Variants in MYO1E observed in about 807,000 individuals in gnomAD.
The protein encoded by MYO1E is myosin IE.
In MYO1E, 68 loss-of-function variants were observed where a neutral mutation model predicts 151.1. That is an observed-to-expected ratio of 0.45 (90% confidence interval 0.37 to 0.55). The LOEUF is 0.55. Ranked by LOEUF, MYO1E falls within the 20% of genes least tolerant of loss-of-function variation. The pLI is 0.00. For synonymous variants in MYO1E, 601 were observed against 501.7 expected, an observed-to-expected ratio of 1.20 and a Z score of -2.64; for missense variants, 1,363 against 1,389.3, an observed-to-expected ratio of 0.98 and a Z score of 0.30.
chr15:59,306,857 C>T (rs1342219929), intron 1 of MYO1E, among the ~76,000 whole-genome samples: 1 of 152,216 alleles, frequency 6.6e-6, no homozygotes, highest in Non-Finnish European at 1.5e-5. Flanking sequence ...TGATGTCATT[C>T]ATCTCAAAAA....
intron 7 of MYO1E, among the ~76,000 whole-genome samples, chr15:59,227,234 T>C (rs148286090): frequency 1.6e-4 from 24 of 152,374 alleles, no homozygotes; most frequent in African/African-American, 5.5e-4. Context: ...ACATCAATAC[T>C]TTCTTGATGA....
At chr15:59,368,376 C>T (rs571466390) in intron 1 of MYO1E, among the ~76,000 whole-genome samples, 10 of 151,910 alleles carry the variant, frequency 6.6e-5, no homozygotes, top group African/African-American at 2.4e-4. Context: ...TTTGGGAGGC[C>T]GAGGCAGGAG....
At chr15:59,173,983 G>T in intron 20 of MYO1E, 68 bp from the exon 21 acceptor site, 1 of 1,556,484 alleles carries the variant, frequency 6.4e-7, no homozygotes, top group Non-Finnish European at 8.9e-7. Context: ...AAAATACTGT[G>T]GAAATATACA....
At chr15:59,322,706 T>A (rs1387125105) in intron 1 of MYO1E, among the ~76,000 whole-genome samples, 1 of 152,202 alleles carries the variant, frequency 6.6e-6, no homozygotes, top group Admixed American at 6.5e-5. Flanking sequence ...ACAGATTGTA[T>A]TGATTCTAAA....
intron 1 of MYO1E, among the ~76,000 whole-genome samples, chr15:59,315,150 G>A (rs1400063358): frequency 2.0e-5 from 3 of 152,098 alleles, no homozygotes; most frequent in Non-Finnish European, 4.4e-5. Flanking sequence ...AAGCTATCTG[G>A]CTTCTCCCCT....
chr15:59,322,010 CA>C (rs754593990), intron 1 of MYO1E, among the ~76,000 whole-genome samples: 2 of 151,896 alleles, frequency 1.3e-5, no homozygotes, highest in Non-Finnish European at 2.9e-5. Flanking sequence ...CCCAACTTTA[CA>C]AAAGTACGAA....
At chr15:59,243,441 G>T (rs373951024) in intron 4 of MYO1E, among the ~76,000 whole-genome samples, 7 of 152,240 alleles carry the variant, frequency 4.6e-5, no homozygotes, top group African/African-American at 1.4e-4. Flanking sequence ...AGTCCTGTGT[G>T]GTAGGTGCTT....
At chr15:59,192,760 T>C (rs1299859594) in intron 17 of MYO1E, among the ~76,000 whole-genome samples, 1 of 152,234 alleles carries the variant, frequency 6.6e-6, no homozygotes, top group East Asian at 1.9e-4. Context: ...GGTTTATTTC[T>C]AAGGTTGACT....
chr15:59,243,382 G>A (rs2080111581), intron 4 of MYO1E, among the ~76,000 whole-genome samples: 1 of 152,174 alleles, frequency 6.6e-6, no homozygotes, highest in South Asian at 2.1e-4. Flanking sequence ...ATGCATGTCA[G>A]AGACTGTTAT....
chr15:59,262,521 G>T (rs2080230136), intron 2 of MYO1E, among the ~76,000 whole-genome samples: 1 of 151,932 alleles, frequency 6.6e-6, no homozygotes, highest in Non-Finnish European at 1.5e-5. Context: ...CCAGCTACTG[G>T]GCAGGCTGAG....
intron 1 of MYO1E, among the ~76,000 whole-genome samples, chr15:59,272,721 C>G (rs1368105231): frequency 6.6e-6 from 1 of 152,142 alleles, no homozygotes; most frequent in African/African-American, 2.4e-5. Flanking sequence ...GGGAGACAGA[C>G]CCATTTCACA....
At chr15:59,338,432 A>G (rs2080743465) in intron 1 of MYO1E, among the ~76,000 whole-genome samples, 1 of 152,152 alleles carries the variant, frequency 6.6e-6, no homozygotes, top group African/African-American at 2.4e-5. Flanking sequence ...TAAATCCATG[A>G]AGGGATATCA....
intron 1 of MYO1E, among the ~76,000 whole-genome samples, chr15:59,351,357 C>T (rs1464877956): frequency 6.6e-6 from 1 of 152,126 alleles, no homozygotes; most frequent in Non-Finnish European, 1.5e-5. Context: ...AGTGAAAATC[C>T]ACTGTGTACA....
rs2140395587 is a variant in MYO1E, at chr15:59,289,461, T to C, written c.4-17012A>G. Among the ~76,000 whole-genome samples the C allele has an allele frequency of 2.6e-5, 4 of 152,252 alleles. No individual in the cohort carries two copies. In the East Asian group the frequency reaches 7.7e-4, roughly 29 times the overall value. The stretch of plus-strand genomic sequence containing the variant: ...TTTTAATGTAAAGATAAATACAAAT[T>C]AGGTTTTAATATTTTCTTTCCAGTG... On this transcript the variant is annotated intron_variant, in intron 1 of 27. Transcript: ENST00000288235.
chr15:59,211,571 G>C (rs1424457625), intron 12 of MYO1E, among the ~76,000 whole-genome samples: 1 of 152,056 alleles, frequency 6.6e-6, no homozygotes, highest in African/African-American at 2.4e-5. Flanking sequence ...CCATTCTACA[G>C]ATTGGAATCT....
rs1200695929 is a variant in MYO1E, at chr15:59,163,140, C to T, written c.2627+17G>A. On this transcript the variant is annotated intron_variant, in intron 23 of 27. Transcript: ENST00000288235. Reference sequence around the variant, plus strand: ...TTTAGCTACACGCAGAAGTCTGGGTCCCAGATCCGGACTTACGTATTGCTG... The same window carrying T: ...TTTAGCTACACGCAGAAGTCTGGGTTCCAGATCCGGACTTACGTATTGCTG... 6.8e-6 allele frequency: 11 copies of T among 1,613,696 alleles called. No individual in the cohort carries two copies. Among genetic ancestry groups the T allele is most frequent in the Non-Finnish European group, 9.3e-6 (11 of 1,179,780 alleles).
intron 1 of MYO1E, among the ~76,000 whole-genome samples, chr15:59,349,153 A>G (rs2080810126): frequency 6.6e-6 from 1 of 152,166 alleles, no homozygotes; most frequent in South Asian, 2.1e-4. Flanking sequence ...AGGCAAGGGG[A>G]AAAAAGGGGA....
chr15:59,358,319 T>C (rs2080866340), intron 1 of MYO1E, among the ~76,000 whole-genome samples: 1 of 152,126 alleles, frequency 6.6e-6, no homozygotes, highest in Non-Finnish European at 1.5e-5. Context: ...CTGGCCTTAC[T>C]TATGTTTCCT....
chr15:59,279,696 C>G (rs890131119), intron 1 of MYO1E, among the ~76,000 whole-genome samples: 41 of 152,274 alleles, frequency 2.7e-4, no homozygotes, highest in East Asian at 3.9e-4. Flanking sequence ...TACATGATGA[C>G]ATGATCCAGT....
Sources: gnomAD v4.1 joint callset for allele counts (sites outside exome capture counted in the v4.1 genomes callset) on GRCh38, gnomAD v4.1.1 for gene constraint, MANE v1.5 for transcripts, NCBI Gene and HGNC (gene_info 2026-07-23, HGNC 2026-07-21) for gene names.